Variants in AKAP10 observed in about 807,000 individuals in gnomAD.
AKAP10 encodes A-kinase anchoring protein 10, also known as A-kinase anchor protein 10, mitochondrial.
In AKAP10, 24 loss-of-function variants were observed where a neutral mutation model predicts 80.8. The observed-to-expected ratio is 0.30, with a 90% CI of 0.22 to 0.42. The LOEUF (loss-of-function observed/expected upper bound fraction) is 0.42, where lower values mean the gene tolerates loss of function less well. Ranked by LOEUF, AKAP10 falls within the 10% of genes least tolerant of loss-of-function variation. The probability of loss-of-function intolerance (pLI) is 1.00; values close to 1 mark genes in which losing one functional copy is unlikely to be tolerated. For synonymous variants in AKAP10, 291 were observed against 277.7 expected (o/e 1.05, Z -0.48); for missense variants, 661 against 794.9 (o/e 0.83, Z 2.03).
rs775301258 is a variant in AKAP10 at position 19,954,633 on chromosome 17, C to T, written c.877+3381G>A. ...TCAAGTAGCTGGGACTACAGGTGCC[C>T]GCCACCACGCCCGGCTAATTTTTTT... On this transcript the variant is annotated intron_variant, in intron 4 of 14. Coordinates refer to ENST00000225737, the MANE Select transcript of AKAP10 (RefSeq NM_007202.4). 1.3e-3 allele frequency among the ~76,000 whole-genome samples: 190 copies of T among 150,812 alleles called. 2 individuals carry two copies. Among genetic ancestry groups the T allele is most frequent in the Middle Eastern group, 6.8e-3 (2 of 292 alleles).
Position 19,947,408 on chromosome 17 carries a change from TATG to T in AKAP10, c.972_974del (p.Ile325del). 1 of 1,601,554 alleles carries T rather than the reference TATG, an allele frequency of 6.2e-7. No homozygotes were observed. Among genetic ancestry groups the T allele is most frequent in the Non-Finnish European group, 8.6e-7 (1 of 1,168,920 alleles). ...GCCATAGTTTCAAGCACTGCTTACC[TATG>T]ATGTCATTTCTCATTGCTTCTGTAA... On this transcript the variant is annotated inframe_deletion and splice_region_variant, in exon 5 of 15. Transcript: ENST00000225737.
intron 11 of AKAP10, 76 bp from the exon 12 acceptor site, chr17:19,920,194 C>T (rs556511969): frequency 1.5e-5 from 17 of 1,112,984 alleles, no homozygotes; most frequent in East Asian, 2.4e-5. Flanking sequence ...CAATTTAAAG[C>T]GTTTCATCTA....
intron 2 of AKAP10, among the ~76,000 whole-genome samples, chr17:19,965,213 C>T (rs976737422): frequency 3.3e-5 from 5 of 152,234 alleles, no homozygotes; most frequent in African/African-American, 9.6e-5. Context: ...GTCTCCAAAA[C>T]TCAAAATCTT....
chr17:19,975,020 T>C (rs985529801), intron 1 of AKAP10, among the ~76,000 whole-genome samples: 16 of 152,060 alleles, frequency 1.1e-4, no homozygotes, highest in Admixed American at 7.2e-4. Context: ...AAATTTTAAA[T>C]TAATATTCTT....
rs2043370200 is a variant in AKAP10 at position 19,962,885 on chromosome 17, T to C, written c.274A>G (p.Lys92Glu). The C allele has an allele frequency of 6.2e-7, 1 of 1,614,052 alleles. No individual in the cohort carries two copies. Among genetic ancestry groups the C allele is most frequent in the Non-Finnish European group, 8.5e-7 (1 of 1,180,008 alleles). The change falls in exon 3 of 15, where the codon AAG (lysine) becomes GAG (glutamate). Residue 92 changes from lysine (K) to glutamate (E), a missense_variant. Lys to Glu is a moderately conservative substitution (Grantham distance 56). Coordinates refer to ENST00000225737, the MANE Select transcript of AKAP10 (RefSeq NM_007202.4). ...GCCTCCATGTGGCTTGGCTGCTTCT[T>C]AAGTGTGGCTGTCCTGCTACTTGAA... ...SFSSSRTATLKKQPSHMEAAH... is the reference protein window; with the variant it reads ...SFSSSRTATLEKQPSHMEAAH...
chr17:19,912,382 C>T (rs889163906), intron 12 of AKAP10, among the ~76,000 whole-genome samples: 2 of 152,068 alleles, frequency 1.3e-5, no homozygotes, highest in Admixed American at 6.6e-5. Context: ...ACTAAACATA[C>T]AAAAATGAAC....
intron 4 of AKAP10, among the ~76,000 whole-genome samples, chr17:19,957,308 G>A (rs112389315): frequency 0.014 from 2,185 of 152,138 alleles, 59 homozygotes; most frequent in African/African-American, 0.05. Flanking sequence ...TTGGGAGGCC[G>A]AGGCAGGCGG....
Position 19,905,427 on chromosome 17 carries a change from C to A in AKAP10, c.*800G>T, listed in dbSNP as rs2042622915. On this transcript the variant is annotated 3_prime_UTR_variant, in exon 15 of 15. Coordinates refer to ENST00000225737, the MANE Select transcript of AKAP10 (RefSeq NM_007202.4). Reference sequence around the variant, plus strand: ...GGCAAAAGTGGAGTCATCGCTATTTCTTTCTTTCTTTCCACATGTATTCTG... The same window carrying A: ...GGCAAAAGTGGAGTCATCGCTATTTATTTCTTTCTTTCCACATGTATTCTG... The A allele has an allele frequency of 6.6e-6, 1 of 151,990 alleles. No homozygotes were observed. 9.4% of individuals were successfully genotyped at this position (151,990 alleles called of 1,614,324 possible). A position where few individuals can be genotyped will look rare whatever the true frequency, so the allele number is the denominator to read the frequency against.
chr17:19,950,390 G>A (rs1464042836), intron 4 of AKAP10, among the ~76,000 whole-genome samples: 5 of 152,162 alleles, frequency 3.3e-5, no homozygotes, highest in Non-Finnish European at 5.9e-5. Context: ...CCGCCATCTC[G>A]GCTCACTGCA....
At chr17:19,958,649 C>T (rs2043311687) in intron 3 of AKAP10, 78 bp from the exon 4 acceptor site, 1 of 1,249,534 alleles carries the variant, frequency 8.0e-7, no homozygotes, top group Admixed American at 2.5e-5. Flanking sequence ...TCACTTTTAG[C>T]AACAACTGGT....
At chr17:19,972,044 T>G (rs1335439878) in intron 1 of AKAP10, among the ~76,000 whole-genome samples, 1 of 152,230 alleles carries the variant, frequency 6.6e-6, no homozygotes, top group Non-Finnish European at 1.5e-5. Context: ...AGGCAGAGAT[T>G]GTGGTGAGCC....
At chr17:19,921,227 G>A (rs1261063823) in intron 11 of AKAP10, among the ~76,000 whole-genome samples, 1 of 151,588 alleles carries the variant, frequency 6.6e-6, no homozygotes, top group African/African-American at 2.4e-5. Context: ...GAGTGCAGTG[G>A]TGTGATCTAA....
At chr17:19,932,449 T>TA (rs764580259) in intron 9 of AKAP10, among the ~76,000 whole-genome samples, 3,896 of 98,702 alleles carry the variant, frequency 0.039, 171 homozygotes, top group African/African-American at 0.13. Context: ...CAAGACTGTC[T>TA]AAAAAAAAAA....
chr17:19,954,211 A>G (rs772950297), intron 4 of AKAP10, among the ~76,000 whole-genome samples: 1 of 152,200 alleles, frequency 6.6e-6, no homozygotes, highest in Non-Finnish European at 1.5e-5. Flanking sequence ...AAGACTTACT[A>G]TACAGTAATT....
intron 3 of AKAP10, among the ~76,000 whole-genome samples, chr17:19,961,732 A>G (rs2043351867): frequency 6.6e-6 from 1 of 152,244 alleles, no homozygotes; most frequent in Non-Finnish European, 1.5e-5. Context: ...TTATTTTAAT[A>G]TAACGGATTT....
intron 4 of AKAP10, 78 bp from the exon 5 acceptor site, chr17:19,947,583 G>A: frequency 1.0e-6 from 1 of 952,412 alleles, no homozygotes; most frequent in East Asian, 2.4e-5. Context: ...TGAATAGCAG[G>A]GCTTAGATCA....
At chr17:19,909,879 G>A in intron 13 of AKAP10, 47 bp downstream of exon 13, 1 of 1,577,776 alleles carries the variant, frequency 6.3e-7, no homozygotes, top group Non-Finnish European at 8.7e-7. Flanking sequence ...TTACATGAGG[G>A]TGGCACTTAT....
At position 19,976,121 on chromosome 17, in the gene AKAP10, T is replaced by C. The variant is rs2043562457; in HGVS notation, c.88+1471A>G. On this transcript the variant is annotated intron_variant, in intron 1 of 14. Transcript: ENST00000225737. The stretch of plus-strand genomic sequence containing the variant: ...GAAGACAGAAAAGTAGGTTAACTGG[T>C]CTGCCCCTGTTACAGTTAGCAGCAG... Among the ~76,000 whole-genome samples the C allele has an allele frequency of 2.0e-5, 3 of 152,186 alleles. 1 individual carries two copies. The highest frequency in any genetic ancestry group is 4.8e-5 in the African/African-American group (2 of 41,446).
intron 3 of AKAP10, among the ~76,000 whole-genome samples, chr17:19,961,787 T>G (rs2043352468): frequency 6.6e-6 from 1 of 152,222 alleles, no homozygotes; most frequent in South Asian, 2.1e-4. Context: ...TAAACATGCC[T>G]TAGACATTTT....
Sources: allele counts gnomAD v4.1 joint callset (sites outside exome capture counted in the v4.1 genomes callset), GRCh38; gene constraint gnomAD v4.1.1; transcripts MANE v1.5; gene names NCBI Gene and HGNC (gene_info 2026-07-23, HGNC 2026-07-21).